Variants in POU2AF3 observed in about 807,000 individuals in gnomAD.
POU2AF3 encodes cancer susceptibility candidate 13.
chr11:111,306,392 AGG>A, the POU2AF3 span: 1 of 1,443,162 alleles, frequency 6.9e-7, no homozygotes. Context: ...TTTCTCCTCT[AGG>A]ACTGTATTTT....
At chr11:111,308,114 G>C in the POU2AF3 span, 4 of 1,544,114 alleles carry the variant, frequency 2.6e-6, no homozygotes, top group South Asian at 3.6e-5. Flanking sequence ...TGGCTCCTTA[G>C]ACTACAGTTA....
At chr11:111,299,315 C>A in the POU2AF3 span, 1 of 987,624 alleles carries the variant, frequency 1.0e-6, no homozygotes, top group Non-Finnish European at 1.2e-6. Flanking sequence ...GCGCACTTCC[C>A]GGCGCGATTC....
the POU2AF3 span, chr11:111,298,699 A>C: frequency 8.8e-7 from 1 of 1,141,896 alleles, no homozygotes; most frequent in Non-Finnish European, 1.1e-6. Flanking sequence ...AAGTCAAGGC[A>C]TGCGAGTAAG....
At chr11:111,302,394 A>G in the POU2AF3 span, among the ~76,000 whole-genome samples, 1 of 152,206 alleles carries the variant, frequency 6.6e-6, no homozygotes, top group African/African-American at 2.4e-5. Flanking sequence ...CAAGACTTTC[A>G]TAATAAAATG....
At chr11:111,304,125 A>G in the POU2AF3 span, among the ~76,000 whole-genome samples, 1 of 152,188 alleles carries the variant, frequency 6.6e-6, no homozygotes, top group Non-Finnish European at 1.5e-5. Context: ...CACCAACCAC[A>G]GCTTTAAGAA....
At chr11:111,299,721 G>T in the POU2AF3 span, 1 of 1,232,020 alleles carries the variant, frequency 8.1e-7, no homozygotes, top group Non-Finnish European at 1.0e-6. Context: ...CAGAAAGGGA[G>T]GGGGTAGGGA....
the POU2AF3 span, chr11:111,299,711 C>G: frequency 8.1e-7 from 1 of 1,232,048 alleles, no homozygotes; most frequent in Non-Finnish European, 1.0e-6. Flanking sequence ...ACGCCTGCCC[C>G]AGAAAGGGAG....
the POU2AF3 span, chr11:111,306,473 T>C: frequency 6.6e-7 from 1 of 1,511,542 alleles, no homozygotes; most frequent in East Asian, 2.5e-5. Context: ...GTGTTTCATG[T>C]GAAGAAAACT....
the POU2AF3 span, chr11:111,308,594 TC>T: frequency 1.4e-6 from 1 of 723,996 alleles, no homozygotes; most frequent in Non-Finnish European, 2.1e-6. Flanking sequence ...TCATATGAAG[TC>T]CTCAGACCCG....
At chr11:111,298,827 C>CGGGGGGGGGG in the POU2AF3 span, 152 of 631,490 alleles carry the variant, frequency 2.4e-4, no homozygotes, top group Middle Eastern at 5.0e-4. Flanking sequence ...GTACCCCAGG[C>CGGGGGGGGGG]CCCCGCCCGC....
At chr11:111,305,140 GC>G in the POU2AF3 span, 1 of 406,072 alleles carries the variant, frequency 2.5e-6, no homozygotes, top group Admixed American at 4.4e-5. Context: ...CCACATGCAA[GC>G]CCAGCAAGAA....
At chr11:111,302,747 A>G in the POU2AF3 span, among the ~76,000 whole-genome samples, 2 of 152,204 alleles carry the variant, frequency 1.3e-5, no homozygotes, top group Admixed American at 1.3e-4. Context: ...ATGCCCTCGC[A>G]AGCAAGCAGG....
the POU2AF3 span, among the ~76,000 whole-genome samples, chr11:111,307,246 T>C: frequency 3.6e-4 from 55 of 152,324 alleles, no homozygotes; most frequent in African/African-American, 1.3e-3. Flanking sequence ...TCCTTCAAAA[T>C]GAAGTAAGGT....
At chr11:111,298,824 A>AGGC in the POU2AF3 span, 11 of 903,144 alleles carry the variant, frequency 1.2e-5, no homozygotes, top group Middle Eastern at 4.0e-4. Context: ...CGCGTACCCC[A>AGGC]GGCCCCCGCC....
At chr11:111,305,006 T>C in the POU2AF3 span, 5 of 1,223,802 alleles carry the variant, frequency 4.1e-6, no homozygotes, top group African/African-American at 1.6e-5. Context: ...GCATTAACAG[T>C]TCCCTCAAAC....
the POU2AF3 span, chr11:111,308,182 G>A: frequency 2.6e-6 from 4 of 1,551,740 alleles, no homozygotes; most frequent in Non-Finnish European, 3.5e-6. Context: ...CTGCTTCTCT[G>A]GACACCAGAA....
At chr11:111,306,490 G>C in the POU2AF3 span, 1 of 1,531,040 alleles carries the variant, frequency 6.5e-7, no homozygotes, top group African/African-American at 1.4e-5. Flanking sequence ...AACTCAAGCT[G>C]CCTCGACCAG....
chr11:111,300,715 A>C, the POU2AF3 span: 6 of 557,866 alleles, frequency 1.1e-5, no homozygotes, highest in African/African-American at 9.8e-5. Context: ...GGCCCCACGC[A>C]CTCACCATTC....
chr11:111,299,602 G>T, the POU2AF3 span: 4 of 1,223,288 alleles, frequency 3.3e-6, no homozygotes, highest in Non-Finnish European at 4.1e-6. Flanking sequence ...ACCGAAGGGC[G>T]GCCTCCCGGC....
Sources: allele counts gnomAD v4.1 joint callset (sites outside exome capture counted in the v4.1 genomes callset), GRCh38; gene constraint gnomAD v4.1.1; transcripts MANE v1.5; gene names NCBI Gene and HGNC (gene_info 2026-07-23, HGNC 2026-07-21).